UXS1: variants seen among roughly 807,000 people sequenced by gnomAD.
The protein encoded by UXS1 is UDP-glucuronic acid decarboxylase 1.
A neutral mutation model predicts 62.6 loss-of-function variants in UXS1; 33 were observed. The ratio of observed to expected loss-of-function variants is 0.53; its 90% confidence interval spans 0.40 to 0.70. UXS1 has a LOEUF of 0.70. UXS1 is among the 30% of genes least tolerant of loss of function. The pLI is 0.00. For synonymous variants in UXS1, 213 were observed against 206.8 expected (o/e 1.03, Z -0.26); for missense variants, 434 against 556.3 (o/e 0.78, Z 2.21).
chr2:106,140,933 A>G (rs1348362147), intron 6 of UXS1, among the ~76,000 whole-genome samples: 3 of 152,246 alleles, frequency 2.0e-5, no homozygotes, highest in East Asian at 3.8e-4. Context: ...AAATTGGGAC[A>G]GCATTTCAGG....
intron 1 of UXS1, among the ~76,000 whole-genome samples, chr2:106,176,907 C>T (rs968022415): frequency 6.6e-6 from 1 of 152,222 alleles, no homozygotes; most frequent in Non-Finnish European, 1.5e-5. Context: ...TCTGCAACCC[C>T]AGCTGGCAGG....
intron 7 of UXS1, among the ~76,000 whole-genome samples, chr2:106,127,698 T>C (rs1283476379): frequency 6.6e-6 from 1 of 152,162 alleles, no homozygotes; most frequent in Non-Finnish European, 1.5e-5. Context: ...TTGTCTCAAG[T>C]GCAAGATGGC....
intron 5 of UXS1, among the ~76,000 whole-genome samples, chr2:106,146,836 GAAGT>G (rs1681618564): frequency 6.8e-6 from 1 of 147,214 alleles, no homozygotes; most frequent in Admixed American, 6.8e-5. Context: ...TGGCAGAGGA[GAAGT>G]AAGGGGAGGC....
chr2:106,112,818 T>A (rs1011706712), intron 9 of UXS1, 53 bp from the exon 10 acceptor site: 16 of 1,576,994 alleles, frequency 1.0e-5, no homozygotes, highest in Non-Finnish European at 1.3e-5. Context: ...GGTCCACGCA[T>A]CCACTTTGCA....
chr2:106,152,238 G>A (rs1046213734), intron 5 of UXS1, among the ~76,000 whole-genome samples: 1 of 152,162 alleles, frequency 6.6e-6, no homozygotes, highest in Non-Finnish European at 1.5e-5. Context: ...GATAGCCTGA[G>A]GTCAGGAGTT....
At chr2:106,128,415 C>T (rs972159378) in intron 7 of UXS1, among the ~76,000 whole-genome samples, 7 of 152,070 alleles carry the variant, frequency 4.6e-5, no homozygotes, top group African/African-American at 7.2e-5. Flanking sequence ...ACATTATGTC[C>T]GGGGGTATCT....
In UXS1 at chr2:106,150,700, G is replaced by A. The variant is rs144902520; in HGVS notation, c.292-5330C>T. Among the ~76,000 whole-genome samples the A allele has an allele frequency of 2.0e-5, 3 of 152,024 alleles. No individual in the cohort carries two copies. The East Asian group carries it at 5.8e-4, about 29-fold the overall frequency. ...TGTCACAAATAGCCCGGGACAGGGT[G>A]GGAGGTGGCGGGGGGTAGGCAGAGA... On this transcript the variant is annotated intron_variant, in intron 5 of 14. Transcript: ENST00000283148.
intron 7 of UXS1, 56 bp downstream of exon 7, chr2:106,129,618 T>TA (rs1468053386): frequency 7.4e-7 from 1 of 1,355,710 alleles, no homozygotes; most frequent in Non-Finnish European, 1.0e-6. Flanking sequence ...CCTATGCTTG[T>TA]AATCATCTAA....
At chr2:106,188,648 G>C (rs1684730209) in intron 1 of UXS1, among the ~76,000 whole-genome samples, 3 of 152,226 alleles carry the variant, frequency 2.0e-5, no homozygotes, top group Admixed American at 2.0e-4. Flanking sequence ...GCAGGGACCA[G>C]GGAGAGTCTT....
intron 4 of UXS1, 94 bp downstream of exon 4, chr2:106,163,573 G>T: frequency 1.2e-6 from 1 of 837,652 alleles, no homozygotes; most frequent in South Asian, 1.9e-5. Flanking sequence ...CATTTATTTA[G>T]GTTGGCAGAG....
chr2:106,131,149 G>T (rs1440879664), intron 6 of UXS1, among the ~76,000 whole-genome samples: 1 of 148,692 alleles, frequency 6.7e-6, no homozygotes, highest in Non-Finnish European at 1.5e-5. Context: ...GGTGACGGAC[G>T]CACCTGGAAA....
chr2:106,159,616 T>C (rs550031159), intron 4 of UXS1, among the ~76,000 whole-genome samples: 11 of 152,224 alleles, frequency 7.2e-5, no homozygotes, highest in Non-Finnish European at 1.5e-4. Context: ...ACAAAAGTGC[T>C]TTAAATAAAA....
intron 6 of UXS1, among the ~76,000 whole-genome samples, chr2:106,140,691 A>G (rs1002298572): frequency 5.1e-4 from 78 of 152,208 alleles, no homozygotes; most frequent in African/African-American, 1.8e-3. Context: ...TCGCACGGGT[A>G]TTGACATAAT....
rs535574009 is a variant in UXS1 at position 106,162,735 on chromosome 2, A to G, written c.230+932T>C. On this transcript the variant is annotated intron_variant, in intron 4 of 14. Transcript: ENST00000283148. ...AAAATTACTGACAACTTTTGTTCTG[A>G]TAAGTGCTGAAATTAACAGTTTGCT... 6.6e-5 allele frequency among the ~76,000 whole-genome samples: 10 copies of G among 152,350 alleles called. No individual in the cohort carries two copies. In the South Asian group the frequency reaches 2.1e-3, roughly 32 times the overall value.
intron 11 of UXS1, chr2:106,102,536 CTT>C (rs1367822713): frequency 6.6e-6 from 1 of 152,132 alleles, no homozygotes; most frequent in Admixed American, 6.5e-5. Context: ...GACAAAGTGA[CTT>C]TTAAAAAATA....
Position 106,094,036 on chromosome 2 carries a change from C to G in UXS1, c.1268G>C (p.Arg423Pro), listed in dbSNP as rs374259230. Residue 423 changes from arginine (R) to proline (P), a missense_variant, in exon 15 of 15, where the codon CGC (arginine) becomes CCC (proline). Around this residue, in one of 3 missense-constraint regions of UXS1, gnomAD observed 209 missense variants for 233.3 expected, o/e 0.90. Transcript: ENST00000283148. The part of the protein sequence containing the change: ...KPARIKKGRT[R>P]HS ...CTAAAAGTGAGGAGTTCAGCTGTGGCGAGTCCGTCCTTTCTTTATTCTGGC... is the reference window on the plus strand; with the variant it reads ...CTAAAAGTGAGGAGTTCAGCTGTGGGGAGTCCGTCCTTTCTTTATTCTGGC... 1 of 1,611,702 alleles carries G rather than the reference C, an allele frequency of 6.2e-7. No homozygotes were observed. Among genetic ancestry groups the G allele is most frequent in the Admixed American group, 1.7e-5 (1 of 59,348 alleles).
At chr2:106,186,715 G>A (rs1296466712) in intron 1 of UXS1, among the ~76,000 whole-genome samples, 1 of 152,070 alleles carries the variant, frequency 6.6e-6, no homozygotes, top group Non-Finnish European at 1.5e-5. Context: ...CTACTCAGGA[G>A]CCTGAGGCAG....
chr2:106,124,759 C>CA (rs1229155211), intron 8 of UXS1, among the ~76,000 whole-genome samples: 1 of 151,958 alleles, frequency 6.6e-6, no homozygotes, highest in Non-Finnish European at 1.5e-5. Context: ...CCCAGGACTT[C>CA]AAAAAAGTAG....
At chr2:106,129,564 C>T (rs988042145) in intron 7 of UXS1, 110 bp downstream of exon 7, 26 of 918,860 alleles carry the variant, frequency 2.8e-5, no homozygotes, top group African/African-American at 9.9e-5. Flanking sequence ...CAATAAGGGA[C>T]GAGGGAACAC....
Sources: allele counts gnomAD v4.1 joint callset (sites outside exome capture counted in the v4.1 genomes callset), GRCh38; gene constraint gnomAD v4.1.1; regional missense constraint gnomAD v4.1.1; transcripts MANE v1.5; gene names NCBI Gene and HGNC (gene_info 2026-07-23, HGNC 2026-07-21).